The following KIFAP3 variants were observed in gnomAD, a reference collection of about 807,000 sequenced individuals.
KIFAP3 encodes the protein kinesin associated protein 3, also known as kinesin-associated protein 3.
KIFAP3 carries 68 observed loss-of-function variants against 106.5 expected under a neutral mutation model. That is an observed-to-expected ratio of 0.64 (90% CI 0.53 to 0.78). KIFAP3 has a LOEUF of 0.78. Among genes scored for constraint, KIFAP3 ranks in the 30% least tolerant of loss-of-function variants. The pLI is 0.00. For synonymous variants in KIFAP3, 320 were observed against 311.5 expected, an observed-to-expected ratio of 1.03 and a Z score of -0.29; for missense variants, 780 against 941.8, an observed-to-expected ratio of 0.83 and a Z score of 2.25.
intron 19 of KIFAP3, among the ~76,000 whole-genome samples, chr1:169,945,017 C>T (rs1236933165): frequency 6.6e-6 from 1 of 152,136 alleles, no homozygotes; most frequent in Non-Finnish European, 1.5e-5. Context: ...CAGGAGCCTG[C>T]CTGTTGCCAT....
At chr1:169,975,829 T>C (rs1234201103) in intron 16 of KIFAP3, among the ~76,000 whole-genome samples, 10 of 152,178 alleles carry the variant, frequency 6.6e-5, no homozygotes, top group Non-Finnish European at 1.5e-5. Flanking sequence ...TCAGTGATCT[T>C]TATCCAATTT....
intron 11 of KIFAP3, among the ~76,000 whole-genome samples, chr1:169,989,544 A>C (rs1044723835): frequency 6.6e-6 from 1 of 152,064 alleles, no homozygotes; most frequent in African/African-American, 2.4e-5. Flanking sequence ...AATCACCTGT[A>C]ATCTCACTTT....
At chr1:170,054,946 TG>T (rs1670769546) in intron 2 of KIFAP3, among the ~76,000 whole-genome samples, 1 of 152,216 alleles carries the variant, frequency 6.6e-6, no homozygotes, top group South Asian at 2.1e-4. Context: ...CTGCACTTTC[TG>T]CACATGTATC....
chr1:170,008,796 C>T (rs1668099501), intron 10 of KIFAP3, among the ~76,000 whole-genome samples: 1 of 152,166 alleles, frequency 6.6e-6, no homozygotes. Flanking sequence ...ATAAATCATG[C>T]TAGTATAAAG....
intron 19 of KIFAP3, among the ~76,000 whole-genome samples, chr1:169,941,033 G>T (rs1664079495): frequency 6.6e-6 from 1 of 151,874 alleles, no homozygotes; most frequent in Non-Finnish European, 1.5e-5. Flanking sequence ...TTAGAATTTT[G>T]GGCAGATTTA....
At chr1:170,021,978 C>T (rs1179458486) in intron 9 of KIFAP3, among the ~76,000 whole-genome samples, 1 of 103,682 alleles carries the variant, frequency 9.6e-6, no homozygotes, top group Non-Finnish European at 1.8e-5. Context: ...GAGACAGAGG[C>T]TTGCTCTGTC....
intron 18 of KIFAP3, 26 bp from the exon 19 acceptor site, chr1:169,954,136 A>C (rs1423803614): frequency 3.6e-6 from 5 of 1,383,932 alleles, no homozygotes; most frequent in Non-Finnish European, 5.1e-6. Flanking sequence ...AATGGTAACC[A>C]GTAAAACATA....
chr1:169,979,148 C>T (rs191711269), intron 15 of KIFAP3, among the ~76,000 whole-genome samples: 1 of 152,184 alleles, frequency 6.6e-6, no homozygotes, highest in East Asian at 1.9e-4. Flanking sequence ...AATATCTTAG[C>T]TCTCTTGATT....
At chr1:170,007,203 G>A (rs1345130062) in intron 10 of KIFAP3, among the ~76,000 whole-genome samples, 1 of 151,964 alleles carries the variant, frequency 6.6e-6, no homozygotes, top group Admixed American at 6.6e-5. Flanking sequence ...TGTGGGAGGT[G>A]AAGGGTGGGA....
At chr1:169,953,666 C>T (rs977323978) in intron 19 of KIFAP3, among the ~76,000 whole-genome samples, 1 of 152,134 alleles carries the variant, frequency 6.6e-6, no homozygotes, top group African/African-American at 2.4e-5. Context: ...AGGAGCCCAC[C>T]ACCACACCCG....
intron 9 of KIFAP3, 123 bp downstream of exon 9, chr1:170,024,295 C>T (rs1669003723): frequency 3.5e-6 from 2 of 566,156 alleles, no homozygotes; most frequent in Non-Finnish European, 6.0e-6. Context: ...TGAGTTATTG[C>T]TATTATAAAA....
intron 10 of KIFAP3, among the ~76,000 whole-genome samples, chr1:170,008,464 T>G (rs1668081888): frequency 6.6e-6 from 1 of 151,468 alleles, no homozygotes; most frequent in African/African-American, 2.4e-5. Flanking sequence ...GAGAAAGATA[T>G]GAATAGACAC....
chr1:170,046,811 C>T lies in KIFAP3; in HGVS notation c.220G>A (p.Val74Met), dbSNP rs1670281643. 3 of 1,610,444 alleles carry T rather than the reference C, an allele frequency of 1.9e-6. No individual in the cohort carries two copies. The highest frequency in any genetic ancestry group is 1.1e-5 in the South Asian group (1 of 90,564). The change falls in exon 3 of 20, where the codon GTG (valine) becomes ATG (methionine). Residue 74 changes from valine to methionine, a missense_variant. By Grantham distance (21) the Val-to-Met change is conservative. This residue lies in a region of KIFAP3 where 588 missense variants were observed against 678.9 expected (regional missense o/e 0.87). Transcript: ENST00000361580. ...TGAATGAGTTTACATTCTTCAACCA[C>T]CTTCCTTGCCAGGGAAGTTATATCT... is the stretch of plus-strand genomic sequence containing the variant. ...NTDITSLARK[V>M]VEECKLIHPS...
At chr1:169,924,613 G>T (rs553336203) in intron 19 of KIFAP3, among the ~76,000 whole-genome samples, 16 of 30,180 alleles carry the variant, frequency 5.3e-4, no homozygotes, top group African/African-American at 3.5e-3. Context: ...ATAACAGTTT[G>T]TTTCTTTAAA....
At chr1:170,013,996 C>T (rs999693098) in intron 10 of KIFAP3, among the ~76,000 whole-genome samples, 1 of 152,106 alleles carries the variant, frequency 6.6e-6, no homozygotes, top group African/African-American at 2.4e-5. Context: ...CACCCACATC[C>T]AAACAGTAAC....
At chr1:169,990,272 T>C (rs1204901555) in intron 11 of KIFAP3, 4 of 493,196 alleles carry the variant, frequency 8.1e-6, no homozygotes, top group Non-Finnish European at 1.4e-5. Flanking sequence ...TAACATTGAC[T>C]AGATTGACTT....
At chr1:170,023,861 TAAAG>T (rs1299504023) in intron 9 of KIFAP3, among the ~76,000 whole-genome samples, 2 of 151,758 alleles carry the variant, frequency 1.3e-5, no homozygotes, top group Non-Finnish European at 2.9e-5. Flanking sequence ...AAGCAAGAAA[TAAAG>T]AAGGTATGAA....
intron 19 of KIFAP3, among the ~76,000 whole-genome samples, chr1:169,951,349 A>C (rs1052655456): frequency 6.6e-6 from 1 of 151,976 alleles, no homozygotes; most frequent in Non-Finnish European, 1.5e-5. Flanking sequence ...AAATAATTAT[A>C]AAATTGTATC....
chr1:170,014,628 T>C (rs1668414703), intron 10 of KIFAP3, among the ~76,000 whole-genome samples: 1 of 152,122 alleles, frequency 6.6e-6, no homozygotes, highest in Non-Finnish European at 1.5e-5. Flanking sequence ...GCGCTGTGCT[T>C]TGCTATGGTA....
Sources: allele counts gnomAD v4.1 joint callset (sites outside exome capture counted in the v4.1 genomes callset), GRCh38; gene constraint gnomAD v4.1.1; regional missense constraint gnomAD v4.1.1; transcripts MANE v1.5; gene names NCBI Gene and HGNC (gene_info 2026-07-23, HGNC 2026-07-21).